The following TJP1 variants were observed in gnomAD, a reference collection of about 807,000 sequenced individuals.
TJP1 encodes the protein tight junction protein 1, also known as tight junction protein ZO-1.
In TJP1, 43 loss-of-function variants were observed where a neutral mutation model predicts 194.2. The observed-to-expected ratio is 0.22, with a 90% CI of 0.17 to 0.29. The LOEUF (loss-of-function observed/expected upper bound fraction) is 0.29. TJP1 is among the 10% of genes least tolerant of loss of function. The pLI, the probability that TJP1 is intolerant of heterozygous loss-of-function variation, is 1.00. For synonymous variants in TJP1, 801 were observed against 779.0 expected (o/e 1.03, Z -0.47); for missense variants, 1,971 against 2,185.7 (o/e 0.90, Z 1.96).
intron 10 of TJP1, among the ~76,000 whole-genome samples, chr15:29,737,684 T>C (rs1469559835): frequency 6.6e-6 from 1 of 152,196 alleles, no homozygotes; most frequent in Non-Finnish European, 1.5e-5. Context: ...TGTAAAACAA[T>C]GTTTTCTCAA....
intron 2 of TJP1, among the ~76,000 whole-genome samples, chr15:29,885,481 T>C (rs931230706): frequency 4.6e-5 from 7 of 152,252 alleles, no homozygotes; most frequent in Non-Finnish European, 7.3e-5. Flanking sequence ...CCTACTCCTT[T>C]AGCAGTAAGA....
chr15:29,930,957 C>T lies in TJP1; in HGVS notation c.306+25275G>A, dbSNP rs367931869. 5.9e-5 allele frequency among the ~76,000 whole-genome samples: 9 copies of T among 152,184 alleles called. No individual in the cohort carries two copies. The East Asian group carries it at 1.4e-3, about 23-fold the overall frequency. On this transcript the variant is annotated intron_variant, in intron 2 of 28. Coordinates refer to the TJP1 transcript ENST00000356107. ...ACAGCTGACACTTGAACAATGTGAG[C>T]GTTAGGAGTGCTGACCTTCATGCAG... is the stretch of plus-strand genomic sequence containing the variant.
At chr15:29,760,062 G>T in intron 8 of TJP1, 1 of 528,868 alleles carries the variant, frequency 1.9e-6, no homozygotes, top group South Asian at 2.8e-5. Flanking sequence ...CAGAATGGCC[G>T]TATCAATTAC....
intron 1 of TJP1, among the ~76,000 whole-genome samples, chr15:29,812,629 G>A (rs748128503): frequency 2.6e-5 from 4 of 152,264 alleles, no homozygotes; most frequent in Middle Eastern, 3.4e-3. Context: ...TACAACACAC[G>A]AACATAAAAG....
chr15:29,820,519 C>A (rs748414877), intron 1 of TJP1: 2 of 716,762 alleles, frequency 2.8e-6, no homozygotes, highest in South Asian at 1.5e-5. Flanking sequence ...GAGAAGTACT[C>A]CTCCTACCTT....
intron 2 of TJP1, among the ~76,000 whole-genome samples, chr15:29,776,672 G>C (rs2047033246): frequency 1.3e-5 from 2 of 152,000 alleles, no homozygotes; most frequent in African/African-American, 4.8e-5. Flanking sequence ...GCATGCCTTA[G>C]TCTTTCGGAA....
chr15:29,706,180 G>C (rs1308058141), intron 25 of TJP1, among the ~76,000 whole-genome samples: 1 of 152,178 alleles, frequency 6.6e-6, no homozygotes, highest in Non-Finnish European at 1.5e-5. Context: ...TGATCCACCT[G>C]CCTTGGTCTC....
chr15:29,822,260 C>T lies in TJP1; in HGVS notation c.-232G>A, dbSNP rs2050445218. 3 of 1,163,606 alleles carry T rather than the reference C, an allele frequency of 2.6e-6. No individual in the cohort carries two copies. Among genetic ancestry groups the T allele is most frequent in the Admixed American group, 4.7e-5 (1 of 21,324 alleles). 72.1% of individuals were successfully genotyped at this position (1,163,606 alleles called of 1,614,324 possible). ...CACGGGGCGCGCCCGACCGGCACCTCCCTCCGAGCGCGGCCACCCACTCGG... is the reference window on the plus strand; with the variant it reads ...CACGGGGCGCGCCCGACCGGCACCTTCCTCCGAGCGCGGCCACCCACTCGG... On this transcript the variant is annotated 5_prime_UTR_variant, in exon 1 of 28. Coordinates refer to ENST00000614355, the MANE Select transcript of TJP1 (RefSeq NM_001330239.4).
At chr15:29,860,749 C>T (rs907054550) in intron 2 of TJP1, among the ~76,000 whole-genome samples, 1 of 152,076 alleles carries the variant, frequency 6.6e-6, no homozygotes, top group Non-Finnish European at 1.5e-5. Flanking sequence ...TTTTGTTGTG[C>T]TTTGATTTAA....
intron 15 of TJP1, among the ~76,000 whole-genome samples, chr15:29,731,366 C>A (rs529786570): frequency 4.6e-5 from 7 of 152,164 alleles, no homozygotes; most frequent in Non-Finnish European, 1.0e-4. Context: ...AGACTTAACT[C>A]CCTTAAGCCC....
In TJP1 at chr15:29,949,967, A is replaced by T. The variant is rs1450650431; in HGVS notation, c.306+6265T>A. ...CACAACCACCACCACCACCTCCACCACAACCATCTTCACCACCACCTCCAC... is the reference window on the plus strand; with the variant it reads ...CACAACCACCACCACCACCTCCACCTCAACCATCTTCACCACCACCTCCAC... On this transcript the variant is annotated intron_variant, in intron 2 of 28. Coordinates refer to the TJP1 transcript ENST00000356107. Among the ~76,000 whole-genome samples, 14 of 25,506 alleles carry T rather than the reference A, an allele frequency of 5.5e-4. 4 individuals carry two copies. The South Asian group carries it at 0.022, about 40-fold the overall frequency. The allele number at this position is 25,506 out of a possible 152,430, so 16.7% of individuals were successfully genotyped here. A position where few individuals can be genotyped will look rare whatever the true frequency, so the allele number is the denominator to read the frequency against.
chr15:29,909,345 A>T (rs897675321), intron 2 of TJP1, among the ~76,000 whole-genome samples: 2 of 150,734 alleles, frequency 1.3e-5, no homozygotes, highest in African/African-American at 4.9e-5. Context: ...CTCCAAAAAA[A>T]AAAAAAAAAA....
At position 29,961,182 on chromosome 15, in the gene TJP1, T is replaced by C. The variant is rs545883369; in HGVS notation, c.174-4818A>G. On this transcript the variant is annotated intron_variant, in intron 1 of 28. Coordinates refer to the TJP1 transcript ENST00000356107. Reference sequence around the variant, plus strand: ...CCCTGGTACTACTCTTCCCCAGCCCTGATGGTGCAGATCTGAGCTGAGTAA... The same window carrying C: ...CCCTGGTACTACTCTTCCCCAGCCCCGATGGTGCAGATCTGAGCTGAGTAA... Among the ~76,000 whole-genome samples the C allele has an allele frequency of 2.0e-5, 3 of 152,212 alleles. 1 individual carries two copies. The highest frequency in any genetic ancestry group is 7.2e-5 in the African/African-American group (3 of 41,532).
chr15:29,968,539 T>TCGGGCCCGACAGTCGCGGCCTCGCCC (rs2056410866), intron 1 of TJP1: 1 of 793,724 alleles, frequency 1.3e-6, no homozygotes, highest in East Asian at 1.3e-4. Context: ...CCGCGTCCCG[T>TCGGGCCCGACAGTCGCGGCCTCGCCC]CGGGCCCGAC....
At chr15:29,742,941 C>T in intron 8 of TJP1, 160 bp from the exon 9 acceptor site, 1 of 550,270 alleles carries the variant, frequency 1.8e-6, no homozygotes, top group Non-Finnish European at 2.7e-6. Flanking sequence ...AAAAATAGAG[C>T]ATTACCACAG....
chr15:29,874,572 T>C lies in TJP1; in HGVS notation c.307-73870A>G, dbSNP rs537639295. Among the ~76,000 whole-genome samples the C allele has an allele frequency of 3.9e-5, 6 of 152,324 alleles. No homozygotes were observed. The East Asian group carries it at 1.2e-3, about 29-fold the overall frequency. On this transcript the variant is annotated intron_variant, in intron 2 of 28. Coordinates refer to the TJP1 transcript ENST00000356107. ...TCAGCAAGTTGTTGTCTATGTTCTC[T>C]GAGCTGATAAAATGGTATTACCATG...
In TJP1 at chr15:29,844,960, T is replaced by C. The variant is rs1483533810; in HGVS notation, c.307-44258A>G. ...GGAGAAGTGGCAATGGTGACTAAGT[T>C]TGAGTGGACAGTAAGACAGAGTATG... On this transcript the variant is annotated intron_variant, in intron 2 of 28. Transcript: ENST00000356107. Among the ~76,000 whole-genome samples, 3 of 152,002 alleles carry C rather than the reference T, an allele frequency of 2.0e-5. No individual in the cohort carries two copies. In the East Asian group the frequency reaches 5.8e-4, roughly 29 times the overall value.
intron 8 of TJP1, among the ~76,000 whole-genome samples, chr15:29,748,695 GC>G (rs1469071325): frequency 6.8e-6 from 1 of 147,848 alleles, no homozygotes; most frequent in Non-Finnish European, 1.5e-5. Flanking sequence ...ACCTCAGCCT[GC>G]AAGAGTAGCT....
chr15:29,808,525 G>T (rs929540072), intron 1 of TJP1, among the ~76,000 whole-genome samples: 6 of 152,168 alleles, frequency 3.9e-5, no homozygotes, highest in Non-Finnish European at 8.8e-5. Context: ...TGACAGAACT[G>T]TAAGTAATTT....
Sources: gnomAD v4.1 joint callset for allele counts (sites outside exome capture counted in the v4.1 genomes callset) on GRCh38, gnomAD v4.1.1 for gene constraint, MANE v1.5 for transcripts, NCBI Gene and HGNC (gene_info 2026-07-23, HGNC 2026-07-21) for gene names.